The following PTPRD variants were observed in gnomAD, a reference collection of about 807,000 sequenced individuals.
The protein encoded by PTPRD is protein tyrosine phosphatase receptor type D.
Under a neutral mutation model 214.5 loss-of-function variants are expected in PTPRD, and 34 were observed. The observed-to-expected ratio is 0.16, with a 90% CI of 0.12 to 0.21. The LOEUF (loss-of-function observed/expected upper bound fraction) is 0.21. Ranked by LOEUF, PTPRD falls within the 10% of genes least tolerant of loss-of-function variation. The pLI is 1.00. For synonymous variants in PTPRD, 1,128 were observed against 845.7 expected, an observed-to-expected ratio of 1.33 and a Z score of -5.79; for missense variants, 2,545 against 2,398.7, an observed-to-expected ratio of 1.06 and a Z score of -1.27.
intron 20 of PTPRD, among the ~76,000 whole-genome samples, chr9:8,518,735 G>A (rs2097833989): frequency 6.6e-6 from 1 of 152,094 alleles, no homozygotes; most frequent in Non-Finnish European, 1.5e-5. Context: ...GTTTCCTCAT[G>A]TGGAAATGGG....
intron 5 of PTPRD, among the ~76,000 whole-genome samples, chr9:9,890,181 G>A (rs1045923673): frequency 1.3e-5 from 2 of 151,834 alleles, no homozygotes; most frequent in Non-Finnish European, 2.9e-5. Context: ...GTAAATTAAG[G>A]TTACTAAATA....
At chr9:9,013,226 G>A (rs1466710236) in intron 11 of PTPRD, among the ~76,000 whole-genome samples, 2 of 151,956 alleles carry the variant, frequency 1.3e-5, no homozygotes, top group Admixed American at 1.3e-4. Flanking sequence ...CTCCGATGAA[G>A]CGTTTCTGAA....
At chr9:9,900,169 C>A (rs2076053834) in intron 5 of PTPRD, among the ~76,000 whole-genome samples, 1 of 152,166 alleles carries the variant, frequency 6.6e-6, no homozygotes, top group Non-Finnish European at 1.5e-5. Context: ...CTACCACATG[C>A]CCAGGCTGCA....
At chr9:8,424,947 T>A (rs2094567472) in intron 35 of PTPRD, among the ~76,000 whole-genome samples, 1 of 152,180 alleles carries the variant, frequency 6.6e-6, no homozygotes, top group African/African-American at 2.4e-5. Flanking sequence ...AAGACTAATG[T>A]TTCCCAAGGC....
At chr9:8,333,498 A>C (rs1456870890) in intron 43 of PTPRD, among the ~76,000 whole-genome samples, 1 of 152,226 alleles carries the variant, frequency 6.6e-6, no homozygotes, top group East Asian at 1.9e-4. Context: ...ACAGAAAAGC[A>C]AATGCTGAGA....
intron 9 of PTPRD, among the ~76,000 whole-genome samples, chr9:9,284,463 G>A (rs568587971): frequency 7.9e-5 from 12 of 151,552 alleles, no homozygotes; most frequent in Admixed American, 3.3e-4. Flanking sequence ...ATCAGCTTAC[G>A]AGCACAAGCA....
intron 11 of PTPRD, among the ~76,000 whole-genome samples, chr9:8,825,817 T>C (rs546316419): frequency 4.6e-5 from 7 of 152,020 alleles, no homozygotes; most frequent in Non-Finnish European, 7.4e-5. Flanking sequence ...ACTTCCGACA[T>C]TCCCATGGCA....
At chr9:10,486,275 G>T (rs551996074) in intron 2 of PTPRD, among the ~76,000 whole-genome samples, 14 of 152,104 alleles carry the variant, frequency 9.2e-5, no homozygotes, top group Non-Finnish European at 2.1e-4. Context: ...GTCCTGAATT[G>T]TATTTCCTAG....
intron 2 of PTPRD, among the ~76,000 whole-genome samples, chr9:10,392,780 G>A (rs576607285): frequency 6.6e-6 from 1 of 151,958 alleles, no homozygotes; most frequent in East Asian, 2.0e-4. Context: ...CCATTCGGAT[G>A]GAAGGAAGAA....
chr9:8,332,556 G>C (rs927235105), intron 43 of PTPRD, among the ~76,000 whole-genome samples: 1 of 152,096 alleles, frequency 6.6e-6, no homozygotes, highest in Non-Finnish European at 1.5e-5. Flanking sequence ...AAAAAAGCCA[G>C]ATTGAAGAGC....
intron 11 of PTPRD, among the ~76,000 whole-genome samples, chr9:8,989,291 A>ATT (rs1161313926): frequency 6.6e-6 from 1 of 151,896 alleles, no homozygotes; most frequent in East Asian, 1.9e-4. Context: ...CTACTCTACT[A>ATT]TTGAATACTA....
intron 9 of PTPRD, among the ~76,000 whole-genome samples, chr9:9,339,004 G>A (rs2045707991): frequency 6.6e-6 from 1 of 152,130 alleles, no homozygotes; most frequent in African/African-American, 2.4e-5. Context: ...ATATTGTGCT[G>A]AAGAATCTAA....
chr9:8,753,970 C>T (rs1363664328), intron 11 of PTPRD, among the ~76,000 whole-genome samples: 2 of 151,946 alleles, frequency 1.3e-5, no homozygotes, highest in African/African-American at 4.8e-5. Flanking sequence ...CGTGGAGAAA[C>T]CCGGTCTCTA....
At chr9:9,016,566 C>A (rs886847202) in intron 11 of PTPRD, among the ~76,000 whole-genome samples, 5 of 152,062 alleles carry the variant, frequency 3.3e-5, no homozygotes, top group African/African-American at 1.2e-4. Context: ...ATATAAGGCA[C>A]CCACAGCAGG....
intron 10 of PTPRD, among the ~76,000 whole-genome samples, chr9:9,146,774 T>G (rs2099869249): frequency 6.6e-6 from 1 of 152,122 alleles, no homozygotes; most frequent in Non-Finnish European, 1.5e-5. Flanking sequence ...GCAAGTAACA[T>G]GACATTTTTA....
At chr9:9,729,629 C>G (rs1006890608) in intron 7 of PTPRD, among the ~76,000 whole-genome samples, 1 of 151,962 alleles carries the variant, frequency 6.6e-6, no homozygotes, top group Non-Finnish European at 1.5e-5. Context: ...TTTTAAATAA[C>G]TTTTTTAAAA....
chr9:9,383,809 A>AC (rs1401278979), intron 9 of PTPRD, among the ~76,000 whole-genome samples: 3 of 152,112 alleles, frequency 2.0e-5, no homozygotes, highest in Non-Finnish European at 4.4e-5. Flanking sequence ...AAGGACGTTC[A>AC]GCTCACAATG....
rs550200322 is a variant in PTPRD, at chr9:8,908,732, A to T, written c.-104+109965T>A. Among the ~76,000 whole-genome samples the T allele has an allele frequency of 3.3e-5, 5 of 151,820 alleles. No individual in the cohort carries two copies. The South Asian group carries it at 1.0e-3, about 31-fold the overall frequency. The stretch of plus-strand genomic sequence containing the variant: ...ACCCCAAAACAAACATAAGAAAGTA[A>T]ATTGTAAAGATCAGCTTGGAAATTA... On this transcript the variant is annotated intron_variant, in intron 11 of 45. Transcript: ENST00000381196.
At chr9:10,215,477 G>C (rs2099537042) in intron 3 of PTPRD, among the ~76,000 whole-genome samples, 2 of 152,008 alleles carry the variant, frequency 1.3e-5, no homozygotes, top group Admixed American at 6.6e-5. Flanking sequence ...TATGTATCAG[G>C]CCTACATAAT....
Sources: allele counts gnomAD v4.1 joint callset (sites outside exome capture counted in the v4.1 genomes callset), GRCh38; gene constraint gnomAD v4.1.1; transcripts MANE v1.5; gene names NCBI Gene and HGNC (gene_info 2026-07-23, HGNC 2026-07-21).